AEBP2: variants seen among roughly 807,000 people sequenced by gnomAD.
AEBP2 encodes the protein AE binding protein 2.
AEBP2 carries 10 observed loss-of-function variants against 50.8 expected under a neutral mutation model. The observed-to-expected ratio is 0.20, with a 90% CI of 0.12 to 0.33. AEBP2 has a LOEUF of 0.33. Among genes scored for constraint, AEBP2 ranks in the 10% least tolerant of loss-of-function variants. AEBP2 has a pLI of 1.00. For missense variants in AEBP2, 570 were observed against 688.0 expected (o/e 0.83, Z 1.92); for synonymous variants, 296 against 261.3 (o/e 1.13, Z -1.28).
intron 3 of AEBP2, among the ~76,000 whole-genome samples, chr12:19,489,990 CTT>C (rs71067029): frequency 1.3e-3 from 63 of 47,686 alleles, no homozygotes; most frequent in African/African-American, 4.6e-3. Flanking sequence ...TTAAAATAAA[CTT>C]TTTTTTTTTT....
intron 4 of AEBP2, 112 bp from the exon 5 acceptor site, chr12:19,499,985 T>A: frequency 2.9e-6 from 3 of 1,030,028 alleles, no homozygotes; most frequent in Non-Finnish European, 4.2e-6. Flanking sequence ...CAAATAATAA[T>A]CTTGAATTTA....
At chr12:19,406,796 C>G (rs2095736534) in intron 1 of AEBP2, among the ~76,000 whole-genome samples, 1 of 152,010 alleles carries the variant, frequency 6.6e-6, no homozygotes, top group African/African-American at 2.4e-5. Context: ...TCTGGATTTT[C>G]TCCTATGTTA....
chr12:19,435,676 G>C (rs1283838459), upstream of AEBP2, among the ~76,000 whole-genome samples: 2 of 152,112 alleles, frequency 1.3e-5, no homozygotes, highest in African/African-American at 4.8e-5. Context: ...TTCTCAGTTT[G>C]AGTTCCCCAA....
intron 1 of AEBP2, among the ~76,000 whole-genome samples, chr12:19,451,520 A>G (rs150799879): frequency 0.014 from 2,167 of 152,274 alleles, 22 homozygotes; most frequent in Non-Finnish European, 0.021. Flanking sequence ...AGCCAGGCTG[A>G]AACTGTGTTC....
At chr12:19,476,679 CTG>C (rs1353076390) in intron 3 of AEBP2, among the ~76,000 whole-genome samples, 1 of 152,142 alleles carries the variant, frequency 6.6e-6, no homozygotes, top group Non-Finnish European at 1.5e-5. Flanking sequence ...GTCTATGTGT[CTG>C]TTTTATTCCA....
At position 19,510,371 on chromosome 12, in the gene AEBP2, C is replaced by T. The variant is rs192135444; in HGVS notation, c.1300-2027C>T. 6.6e-5 allele frequency among the ~76,000 whole-genome samples: 10 copies of T among 152,066 alleles called. No individual in the cohort carries two copies. In the East Asian group the frequency reaches 9.7e-4, roughly 15 times the overall value. On this transcript the variant is annotated intron_variant, in intron 5 of 7. Coordinates refer to ENST00000266508, the MANE Select transcript of AEBP2 (RefSeq NM_153207.5). ...TATTGGAGTTGTGGGGGAGGGGCAA[C>T]GCAGAAAAGGTGATAATGCATGTGT...
intron 1 of AEBP2, among the ~76,000 whole-genome samples, chr12:19,442,297 A>G (rs909163684): frequency 6.6e-6 from 1 of 151,956 alleles, no homozygotes; most frequent in African/African-American, 2.4e-5. Flanking sequence ...GTTCCCAGCT[A>G]CTCGGGAGGC....
At chr12:19,409,554 T>C (rs2095738185) in intron 1 of AEBP2, among the ~76,000 whole-genome samples, 1 of 152,194 alleles carries the variant, frequency 6.6e-6, no homozygotes, top group African/African-American at 2.4e-5. Context: ...AGGGAAGAGC[T>C]GGCTCATTTT....
intron 1 of AEBP2, among the ~76,000 whole-genome samples, chr12:19,460,657 GT>G (rs780141180): frequency 0.012 from 1,720 of 143,950 alleles, 33 homozygotes; most frequent in African/African-American, 0.037. Flanking sequence ...CGGCCTGAAA[GT>G]TTTTTTTTTT....
chr12:19,466,328 C>CGTG (rs1948473359), intron 2 of AEBP2, among the ~76,000 whole-genome samples: 1 of 151,964 alleles, frequency 6.6e-6, no homozygotes, highest in Non-Finnish European at 1.5e-5. Context: ...TAGTGGCACA[C>CGTG]GCCTGTGGTC....
At chr12:19,460,171 C>T (rs1272749141) in intron 1 of AEBP2, among the ~76,000 whole-genome samples, 1 of 152,116 alleles carries the variant, frequency 6.6e-6, no homozygotes, top group Non-Finnish European at 1.5e-5. Context: ...ATAGCACCAC[C>T]GCACTATAGG....
intron 1 of AEBP2, among the ~76,000 whole-genome samples, chr12:19,458,011 T>C (rs1297716225): frequency 6.6e-6 from 1 of 152,182 alleles, no homozygotes; most frequent in African/African-American, 2.4e-5. Context: ...AATCAGTAGG[T>C]GTTCATTGAA....
chr12:19,511,892 A>G (rs1949237376), intron 5 of AEBP2, among the ~76,000 whole-genome samples: 1 of 152,102 alleles, frequency 6.6e-6, no homozygotes. Flanking sequence ...AGGATAAGAA[A>G]TATTCCTGTG....
At chr12:19,510,717 T>C (rs556100081) in intron 5 of AEBP2, among the ~76,000 whole-genome samples, 51 of 152,284 alleles carry the variant, frequency 3.3e-4, no homozygotes, top group African/African-American at 1.2e-3. Context: ...GTACATAATC[T>C]AATGGTTTGC....
intron 1 of AEBP2, among the ~76,000 whole-genome samples, chr12:19,426,402 T>G (rs1383501781): frequency 1.3e-5 from 2 of 152,198 alleles, no homozygotes; most frequent in Non-Finnish European, 2.9e-5. Context: ...TTCACAATTC[T>G]TTGGTAACTA....
intron 6 of AEBP2, among the ~76,000 whole-genome samples, chr12:19,512,840 C>T (rs1214105286): frequency 3.3e-5 from 5 of 151,974 alleles, no homozygotes; most frequent in East Asian, 3.9e-4. Context: ...CCCAGCTGCT[C>T]GGGAGGCTGA....
chr12:19,425,118 C>T (rs2095747854), intron 1 of AEBP2, among the ~76,000 whole-genome samples: 1 of 152,178 alleles, frequency 6.6e-6, no homozygotes, highest in African/African-American at 2.4e-5. Context: ...TGCAACTTTG[C>T]ACCACAAGTC....
At chr12:19,488,215 C>T (rs1175457762) in intron 3 of AEBP2, among the ~76,000 whole-genome samples, 4 of 151,458 alleles carry the variant, frequency 2.6e-5, no homozygotes, top group Non-Finnish European at 4.4e-5. Flanking sequence ...CCTCTGGCTC[C>T]TGGGCTCAGG....
At chr12:19,407,122 C>T (rs1440143013) in intron 1 of AEBP2, among the ~76,000 whole-genome samples, 2 of 151,888 alleles carry the variant, frequency 1.3e-5, no homozygotes, top group Non-Finnish European at 1.5e-5. Flanking sequence ...AACAACATAG[C>T]GAAACCCCAT....
Sources: gnomAD v4.1 joint callset for allele counts (sites outside exome capture counted in the v4.1 genomes callset) on GRCh38, gnomAD v4.1.1 for gene constraint, MANE v1.5 for transcripts, NCBI Gene and HGNC (gene_info 2026-07-23, HGNC 2026-07-21) for gene names.